DACH2: variants seen among roughly 807,000 people sequenced by gnomAD.
The protein encoded by DACH2 is dachshund family transcription factor 2, also known as dachshund homolog 2.
A neutral mutation model predicts 35.8 loss-of-function variants in DACH2; 17 were observed. The ratio of observed to expected loss-of-function variants is 0.48; its 90% CI spans 0.33 to 0.71. The LOEUF (loss-of-function observed/expected upper bound fraction) is 0.71. DACH2 is among the 30% of genes least tolerant of loss of function. DACH2 has a pLI of 0.02. For missense variants in DACH2, 469 were observed against 472.7 expected, an observed-to-expected ratio of 0.99 and a Z score of 0.07; for synonymous variants, 195 against 177.3, an observed-to-expected ratio of 1.10 and a Z score of -0.79.
chrX:86,229,595 A>G (rs1352806171), intron 1 of DACH2, among the ~76,000 whole-genome samples: 1 of 111,988 alleles, frequency 8.9e-6, no homozygotes, highest in Non-Finnish European at 1.9e-5. Flanking sequence ...CTACCCATCC[A>G]TAAGCATGGA....
chrX:86,729,424 C>A (rs2041507860), intron 6 of DACH2, among the ~76,000 whole-genome samples: 1 of 111,659 alleles, frequency 9.0e-6, no homozygotes, highest in African/African-American at 3.3e-5. Context: ...GTGGAAAGGA[C>A]ATGCTTTGTC....
intron 4 of DACH2, among the ~76,000 whole-genome samples, chrX:86,653,509 G>A (rs930726619): frequency 1.8e-4 from 20 of 110,780 alleles, no homozygotes; most frequent in Non-Finnish European, 2.6e-4. Flanking sequence ...ATGTTTGGGA[G>A]TTTCTCCTGG....
intron 6 of DACH2, among the ~76,000 whole-genome samples, chrX:86,725,812 G>T (rs929480144): frequency 1.8e-5 from 2 of 111,289 alleles, no homozygotes; most frequent in African/African-American, 6.5e-5. Flanking sequence ...GGTTGTGGAG[G>T]CTAGTTCCCC....
At chrX:86,224,474 A>G (rs5923512) in intron 1 of DACH2, among the ~76,000 whole-genome samples, 47,294 of 110,017 alleles carry the variant, frequency 0.43, 8,315 homozygotes, top group Non-Finnish European at 0.56. Flanking sequence ...AATAACGGTA[A>G]ATGACCCAAA....
In DACH2 at chrX:86,217,625, C is replaced by T. The variant is rs770584055; in HGVS notation, c.488+68517C>T. Reference sequence around the variant, plus strand: ...ATACAGTGTTAGTTAAGTCAATAATCGAATCTGGCAGTGAAATATGGGCCT... The same window carrying T: ...ATACAGTGTTAGTTAAGTCAATAATTGAATCTGGCAGTGAAATATGGGCCT... On this transcript the variant is annotated intron_variant, in intron 1 of 11. Transcript: ENST00000373125. Among the ~76,000 whole-genome samples the T allele has an allele frequency of 1.4e-4, 16 of 110,946 alleles. No individual in the cohort carries two copies. The South Asian group carries it at 4.2e-3, about 29-fold the overall frequency.
At chrX:86,538,545 C>T (rs956687469) in intron 3 of DACH2, among the ~76,000 whole-genome samples, 1 of 112,003 alleles carries the variant, frequency 8.9e-6, no homozygotes, top group Admixed American at 9.5e-5. Flanking sequence ...AATTTATTAG[C>T]TCACAGTTCT....
intron 2 of DACH2, among the ~76,000 whole-genome samples, chrX:86,383,254 T>C (rs1474078875): frequency 9.1e-6 from 1 of 109,925 alleles, no homozygotes. Context: ...ACAAGATTAT[T>C]GGGAAATTAG....
chrX:86,744,321 C>A (rs906080077), intron 7 of DACH2, among the ~76,000 whole-genome samples: 5 of 110,661 alleles, frequency 4.5e-5, no homozygotes, highest in Non-Finnish European at 9.5e-5. Context: ...AAATGGGATT[C>A]TCTATGTCAA....
At chrX:86,400,739 T>G (rs770627882) in intron 2 of DACH2, among the ~76,000 whole-genome samples, 1 of 111,323 alleles carries the variant, frequency 9.0e-6, no homozygotes, top group African/African-American at 3.3e-5. Flanking sequence ...TTCCTCTGGA[T>G]GTTTTGTCTC....
chrX:86,179,498 T>A (rs189637922), intron 1 of DACH2, among the ~76,000 whole-genome samples: 1 of 111,983 alleles, frequency 8.9e-6, no homozygotes, highest in African/African-American at 3.2e-5. Flanking sequence ...GGTACAGTAA[T>A]GTGTAGTAGA....
intron 7 of DACH2, among the ~76,000 whole-genome samples, chrX:86,780,373 C>T (rs1180262671): frequency 9.0e-6 from 1 of 111,072 alleles, no homozygotes; most frequent in Non-Finnish European, 1.9e-5. Context: ...ACATAGTATT[C>T]AGAATATGGA....
intron 1 of DACH2, among the ~76,000 whole-genome samples, chrX:86,370,097 C>T (rs1340540362): frequency 9.0e-6 from 1 of 111,275 alleles, no homozygotes; most frequent in East Asian, 2.8e-4. Context: ...AATAAAAAGC[C>T]TAACCTACTA....
intron 3 of DACH2, among the ~76,000 whole-genome samples, chrX:86,647,640 TA>T (rs2148403853): frequency 9.0e-6 from 1 of 110,918 alleles, no homozygotes; most frequent in East Asian, 2.8e-4. Context: ...CTGTATTGTA[TA>T]CTTAAAACTT....
intron 1 of DACH2, among the ~76,000 whole-genome samples, chrX:86,222,011 G>A (rs2032723084): frequency 8.9e-6 from 1 of 111,839 alleles, no homozygotes; most frequent in Non-Finnish European, 1.9e-5. Flanking sequence ...CAGCCATTTT[G>A]GATTAGAGCC....
intron 1 of DACH2, among the ~76,000 whole-genome samples, chrX:86,310,905 G>C (rs189193436): frequency 9.0e-6 from 1 of 111,206 alleles, no homozygotes; most frequent in East Asian, 2.9e-4. Context: ...TCCAGCCACC[G>C]CTGTCATTGC....
chrX:86,472,424 T>A (rs140716060), intron 2 of DACH2, among the ~76,000 whole-genome samples: 98 of 111,758 alleles, frequency 8.8e-4, no homozygotes, highest in African/African-American at 3.1e-3. Flanking sequence ...TGTTGACACC[T>A]TGAAGTTAGG....
chrX:86,438,020 C>A (rs1167879749), intron 2 of DACH2, among the ~76,000 whole-genome samples: 1 of 108,747 alleles, frequency 9.2e-6, no homozygotes, highest in Non-Finnish European at 1.9e-5. Context: ...TTCTGAGTAT[C>A]TCCTCCTCCT....
At chrX:86,534,439 A>T (rs1398566789) in intron 3 of DACH2, among the ~76,000 whole-genome samples, 3 of 112,453 alleles carry the variant, frequency 2.7e-5, no homozygotes, top group Non-Finnish European at 5.6e-5. Context: ...TTAGCAAATT[A>T]TTTGAAAGTC....
intron 1 of DACH2, among the ~76,000 whole-genome samples, chrX:86,294,462 G>A (rs1457041217): frequency 1.4e-4 from 16 of 110,906 alleles, no homozygotes; most frequent in Non-Finnish European, 1.9e-5. Context: ...TTCCGTTGCT[G>A]GTGAGGAACT....
Sources: allele counts gnomAD v4.1 joint callset (sites outside exome capture counted in the v4.1 genomes callset), GRCh38; gene constraint gnomAD v4.1.1; transcripts MANE v1.5; gene names NCBI Gene and HGNC (gene_info 2026-07-23, HGNC 2026-07-21).